Variants in KAT6B observed in about 807,000 individuals in gnomAD.
KAT6B encodes the protein histone acetyltransferase KAT6B.
In KAT6B, 10 loss-of-function variants were observed where a neutral mutation model predicts 187.5. The observed-to-expected ratio is 0.05, with a 90% CI of 0.03 to 0.09. KAT6B has a LOEUF of 0.09. Ranked by LOEUF, KAT6B falls within the 10% of genes least tolerant of loss-of-function variation. The probability of loss-of-function intolerance (pLI) is 1.00; values close to 1 mark genes in which losing one functional copy is unlikely to be tolerated. For missense variants in KAT6B, 1,952 were observed against 2,558.9 expected (o/e 0.76, Z 5.12); for synonymous variants, 861 against 926.8 (o/e 0.93, Z 1.29).
At chr10:74,950,641 A>C (rs1335753222) in intron 3 of KAT6B, among the ~76,000 whole-genome samples, 1 of 152,158 alleles carries the variant, frequency 6.6e-6, no homozygotes, top group Non-Finnish European at 1.5e-5. Flanking sequence ...GCAAGAAATA[A>C]AGTCTAGTTC....
chr10:74,908,582 C>G (rs971238623), intron 3 of KAT6B, among the ~76,000 whole-genome samples: 2 of 148,982 alleles, frequency 1.3e-5, no homozygotes, highest in African/African-American at 4.9e-5. Flanking sequence ...GAGAAATAAA[C>G]TCCTTTTCTT....
intron 17 of KAT6B, among the ~76,000 whole-genome samples, chr10:75,027,700 T>C (rs974487912): frequency 1.5e-4 from 23 of 152,162 alleles, no homozygotes; most frequent in African/African-American, 5.3e-4. Flanking sequence ...TGAACTGAAA[T>C]GAACTTCACA....
intron 1 of KAT6B, among the ~76,000 whole-genome samples, chr10:74,828,263 T>TA (rs1840426244): frequency 6.6e-6 from 1 of 152,026 alleles, no homozygotes; most frequent in African/African-American, 2.4e-5. Flanking sequence ...GGGGTAGTGA[T>TA]AAAGAATTAC....
intron 3 of KAT6B, among the ~76,000 whole-genome samples, chr10:74,944,784 G>C (rs1245638579): frequency 7.0e-6 from 1 of 142,302 alleles, no homozygotes; most frequent in Non-Finnish European, 1.5e-5. Flanking sequence ...ACTCCAGCCC[G>C]GGCGACAGAG....
rs920343599 is a variant in KAT6B, at chr10:74,880,066, T to TA, written c.621+36597dup. Among the ~76,000 whole-genome samples, 7 of 151,316 alleles carry TA rather than the reference T, an allele frequency of 4.6e-5. No homozygotes were observed. In the East Asian group the frequency reaches 7.7e-4, roughly 17 times the overall value. Reference sequence around the variant, plus strand: ...AATAATAATAAAAATAAAGGTAGATTAAAAAAAAAGAGACATAATTTGCGT... The same window carrying TA: ...AATAATAATAAAAATAAAGGTAGATTAAAAAAAAAAGAGACATAATTTGCGT... On this transcript the variant is annotated intron_variant, in intron 3 of 17. Transcript: ENST00000287239.
chr10:74,877,031 A>G (rs995030624), intron 3 of KAT6B, among the ~76,000 whole-genome samples: 4 of 151,094 alleles, frequency 2.6e-5, no homozygotes, highest in Admixed American at 6.7e-5. Context: ...CAATGGTGCA[A>G]TCTCGGCTCA....
intron 13 of KAT6B, among the ~76,000 whole-genome samples, chr10:75,007,168 A>G (rs1589797867): frequency 6.6e-6 from 1 of 152,180 alleles, no homozygotes; most frequent in Non-Finnish European, 1.5e-5. Context: ...AATGAACAAC[A>G]TCAACAGTTG....
intron 4 of KAT6B, among the ~76,000 whole-genome samples, chr10:74,968,590 C>T (rs1841639012): frequency 6.6e-6 from 1 of 152,110 alleles, no homozygotes; most frequent in Non-Finnish European, 1.5e-5. Context: ...AATTATAAAA[C>T]AGTTTTGAAA....
intron 3 of KAT6B, among the ~76,000 whole-genome samples, chr10:74,952,174 C>T (rs1034038253): frequency 3.9e-4 from 59 of 151,882 alleles, no homozygotes; most frequent in Admixed American, 3.5e-3. Flanking sequence ...GGAAATGTTG[C>T]GAGACCCCCA....
chr10:74,903,371 G>A (rs1846535453), intron 3 of KAT6B, among the ~76,000 whole-genome samples: 3 of 152,174 alleles, frequency 2.0e-5, no homozygotes, highest in Non-Finnish European at 4.4e-5. Context: ...AATCACACAA[G>A]CCCCTTAGAA....
rs1349095472 is a variant in KAT6B at position 75,030,640 on chromosome 10, A to G, written c.5816A>G (p.His1939Arg). The G allele has an allele frequency of 6.2e-7, 1 of 1,613,854 alleles. No homozygotes were observed. Among genetic ancestry groups the G allele is most frequent in the Admixed American group, 1.7e-5 (1 of 60,028 alleles). The stretch of plus-strand genomic sequence containing the variant: ...TCTCTGTCACCAGCCGCTGCCACCC[A>G]TCAGTCACAAATCTATGGGCGCTCC... ...SASLSPAAAT[H>R]QSQIYGRSQT... The change falls in exon 18 of 18, where the codon CAT becomes CGT. Residue 1939 changes from histidine to arginine, a missense_variant. By Grantham distance (29) the His-to-Arg change is conservative. Around this residue, in one of 9 missense-constraint regions of KAT6B, gnomAD observed 358 missense variants for 436.3 expected, o/e 0.82. Transcript: ENST00000287239. This position sits in a 1 kb window ranked among gnomAD's most constrained non-coding sequence, Gnocchi z 4.8.
At chr10:74,979,202 T>C in intron 9 of KAT6B, 22 bp from the exon 10 acceptor site, 1 of 1,520,582 alleles carries the variant, frequency 6.6e-7, no homozygotes, top group Non-Finnish European at 9.1e-7. Context: ...ATTATTATTT[T>C]CCTTTTCTTT....
chr10:74,839,132 G>A (rs1841536379), intron 2 of KAT6B, among the ~76,000 whole-genome samples: 1 of 149,220 alleles, frequency 6.7e-6, no homozygotes, highest in South Asian at 2.1e-4. Flanking sequence ...CAGCCTGGGC[G>A]ACAAGAGCAA....
chr10:74,845,378 C>T (rs1339559511), intron 3 of KAT6B, among the ~76,000 whole-genome samples: 1 of 151,506 alleles, frequency 6.6e-6, no homozygotes, highest in African/African-American at 2.4e-5. Flanking sequence ...AAAAATTAGG[C>T]AGGCGTGGTG....
intron 3 of KAT6B, 22 bp downstream of exon 3, chr10:74,843,500 G>A (rs749121627): frequency 5.8e-5 from 93 of 1,612,116 alleles, no homozygotes; most frequent in Admixed American, 1.7e-5. Context: ...AGTAATGTTC[G>A]TGCATTCTCA....
intron 17 of KAT6B, 66 bp downstream of exon 17, chr10:75,025,315 C>T: frequency 3.2e-6 from 5 of 1,563,610 alleles, no homozygotes; most frequent in Non-Finnish European, 4.4e-6. Flanking sequence ...TGCCAAAGAG[C>T]AGGCCTCTGG....
chr10:74,970,648 T>C (rs887402615), intron 6 of KAT6B, among the ~76,000 whole-genome samples: 1 of 152,184 alleles, frequency 6.6e-6, no homozygotes, highest in African/African-American at 2.4e-5. Context: ...CCTTTTCCCC[T>C]CATTTTGCAA....
At chr10:74,853,109 C>CTTTTT (rs1233676750) in intron 3 of KAT6B, among the ~76,000 whole-genome samples, 8 of 113,742 alleles carry the variant, frequency 7.0e-5, no homozygotes, top group South Asian at 2.8e-4. Flanking sequence ...TTTCTTTCAT[C>CTTTTT]TTTTTTTTTT....
intron 3 of KAT6B, among the ~76,000 whole-genome samples, chr10:74,851,394 C>T (rs371016943): frequency 3.4e-5 from 5 of 147,448 alleles, no homozygotes; most frequent in South Asian, 2.1e-4. Flanking sequence ...AGTGCAGTGG[C>T]GCGATCTCGG....
Sources: allele counts gnomAD v4.1 joint callset (sites outside exome capture counted in the v4.1 genomes callset), GRCh38; gene constraint gnomAD v4.1.1; regional missense constraint gnomAD v4.1.1; non-coding constraint Gnocchi (gnomAD v3.1); transcripts MANE v1.5; gene names NCBI Gene and HGNC (gene_info 2026-07-23, HGNC 2026-07-21).